The following SLIT1 variants were observed in gnomAD, a reference collection of about 807,000 sequenced individuals.
SLIT1 encodes the protein slit homolog 1 protein.
Under a neutral mutation model 186.1 loss-of-function variants are expected in SLIT1, and 66 were observed. That is an observed-to-expected ratio of 0.35 (90% confidence interval 0.29 to 0.44). The LOEUF is 0.44. SLIT1 is among the 20% of genes least tolerant of loss of function. The pLI is 1.00. For missense variants in SLIT1, 1,638 were observed against 2,037.4 expected (o/e 0.80, Z 3.77); for synonymous variants, 761 against 833.8 (o/e 0.91, Z 1.50).
In SLIT1 at chr10:97,010,861, G is replaced by T; in HGVS notation, c.3341+132C>A. The T allele has an allele frequency of 1.2e-6, 1 of 831,784 alleles. No individual in the cohort carries two copies. The highest frequency in any genetic ancestry group is 1.9e-6 in the Non-Finnish European group (1 of 535,346). 51.5% of individuals were successfully genotyped at this position (831,784 alleles called of 1,614,324 possible). A position where few individuals can be genotyped will look rare whatever the true frequency, so the allele number is the denominator to read the frequency against. ...CACAGCTGGTGACTGGCAGAGCCAC[G>T]GTTAAAACCCCAGCATCCAACTTCC... On this transcript the variant is annotated intron_variant, in intron 31 of 36. Coordinates refer to ENST00000266058, the MANE Select transcript of SLIT1 (RefSeq NM_003061.3). This position sits in a 1 kb window ranked among gnomAD's most constrained non-coding sequence, Gnocchi z 4.8.
intron 1 of SLIT1, among the ~76,000 whole-genome samples, chr10:97,181,181 A>C (rs1009499642): frequency 6.6e-6 from 1 of 152,162 alleles, no homozygotes; most frequent in Non-Finnish European, 1.5e-5. Context: ...TGACCACACC[A>C]AAGCCTAAGC....
intron 4 of SLIT1, among the ~76,000 whole-genome samples, chr10:97,145,432 AT>A (rs1410425345): frequency 6.6e-6 from 1 of 152,118 alleles, no homozygotes; most frequent in Non-Finnish European, 1.5e-5. Flanking sequence ...CATGCTGTCC[AT>A]TTTTCCTACA....
intron 4 of SLIT1, among the ~76,000 whole-genome samples, chr10:97,077,268 T>TAA (rs573273396): frequency 2.0e-5 from 3 of 147,898 alleles, no homozygotes; most frequent in African/African-American, 7.4e-5. Flanking sequence ...CTCCATCTCT[T>TAA]AAAAAAAAAA....
intron 23 of SLIT1, among the ~76,000 whole-genome samples, chr10:97,032,137 G>A (rs1848596934): frequency 6.6e-6 from 1 of 152,230 alleles, no homozygotes; most frequent in Non-Finnish European, 1.5e-5. Flanking sequence ...CTTCCAGGGA[G>A]GACAGGCAAA....
Position 97,163,514 on chromosome 10 carries a change from G to A in SLIT1, c.270-63C>T, listed in dbSNP as rs1246686206. On this transcript the variant is annotated intron_variant, in intron 2 of 36. Transcript: ENST00000266058. Reference sequence around the variant, plus strand: ...GGGACAAGGGCTGCTAGAAACAGCTGGCACAACGGCGGGGCAGAGGCAACC... The same window carrying A: ...GGGACAAGGGCTGCTAGAAACAGCTAGCACAACGGCGGGGCAGAGGCAACC... 15 of 1,460,732 alleles carry A rather than the reference G, an allele frequency of 1.0e-5. No homozygotes were observed. In the Admixed American group the frequency reaches 1.8e-4, roughly 18 times the overall value. The allele number at this position is 1,460,732 out of a possible 1,614,324, so 90.5% of individuals were successfully genotyped here.
chr10:97,143,999 A>G (rs866087867), intron 4 of SLIT1, among the ~76,000 whole-genome samples: 2 of 152,152 alleles, frequency 1.3e-5, no homozygotes, highest in African/African-American at 4.8e-5. Context: ...GGAGTTCAAG[A>G]CCAGCCTGGC....
chr10:97,139,299 G>A (rs1396896465), intron 4 of SLIT1, among the ~76,000 whole-genome samples: 1 of 152,170 alleles, frequency 6.6e-6, no homozygotes, highest in African/African-American at 2.4e-5. Flanking sequence ...TCACATTAAG[G>A]ATTCACAATC....
At chr10:97,179,215 A>G (rs1231558988) in intron 1 of SLIT1, among the ~76,000 whole-genome samples, 2 of 152,100 alleles carry the variant, frequency 1.3e-5, no homozygotes, top group Non-Finnish European at 2.9e-5. Context: ...GCATTACTCT[A>G]TTCTAATTAT....
intron 20 of SLIT1, among the ~76,000 whole-genome samples, 191 bp from the exon 21 acceptor site, chr10:97,040,311 C>A (rs891585504): frequency 6.6e-6 from 1 of 152,220 alleles, no homozygotes; most frequent in African/African-American, 2.4e-5. Flanking sequence ...CCCCCTGGAG[C>A]AGTTTTGAGG....
intron 8 of SLIT1, among the ~76,000 whole-genome samples, chr10:97,061,370 A>AT (rs1848892490): frequency 6.6e-6 from 1 of 152,230 alleles, no homozygotes; most frequent in Non-Finnish European, 1.5e-5. Context: ...AAATGGAGGT[A>AT]TAACTTATAC....
chr10:97,150,842 T>TAAGAAGCA (rs929540900), intron 4 of SLIT1, among the ~76,000 whole-genome samples: 4 of 150,448 alleles, frequency 2.7e-5, no homozygotes, highest in African/African-American at 1.0e-4. Context: ...TTTGCTGCTG[T>TAAGAAGCA]AAGAAGCAAT....
At chr10:97,105,898 G>C (rs1455988007) in intron 4 of SLIT1, among the ~76,000 whole-genome samples, 1 of 152,206 alleles carries the variant, frequency 6.6e-6, no homozygotes, top group Non-Finnish European at 1.5e-5. Context: ...CCTCCGCCAA[G>C]GGCACCATCA....
At chr10:97,105,277 C>A (rs1404094947) in intron 4 of SLIT1, among the ~76,000 whole-genome samples, 1 of 152,156 alleles carries the variant, frequency 6.6e-6, no homozygotes, top group Non-Finnish European at 1.5e-5. Flanking sequence ...AGTTATTTGA[C>A]AAGATAAAAA....
At chr10:97,119,170 C>T (rs897398156) in intron 4 of SLIT1, among the ~76,000 whole-genome samples, 1 of 152,196 alleles carries the variant, frequency 6.6e-6, no homozygotes, top group Admixed American at 6.5e-5. Context: ...CACCACCCCT[C>T]TTACCTTCCT....
chr10:97,086,908 A>C (rs1428606136), intron 4 of SLIT1, among the ~76,000 whole-genome samples: 2 of 152,096 alleles, frequency 1.3e-5, no homozygotes, highest in Non-Finnish European at 2.9e-5. Context: ...TACACACTCT[A>C]GGTGATAATG....
intron 18 of SLIT1, among the ~76,000 whole-genome samples, chr10:97,046,282 C>A (rs1232026284): frequency 3.3e-5 from 5 of 152,174 alleles, no homozygotes; most frequent in Non-Finnish European, 7.4e-5. Flanking sequence ...CTATCTACAC[C>A]CACTGAATCA....
At chr10:97,041,017 T>A (rs1470138511) in intron 20 of SLIT1, among the ~76,000 whole-genome samples, 1 of 152,116 alleles carries the variant, frequency 6.6e-6, no homozygotes, top group African/African-American at 2.4e-5. Context: ...ATTGGAGCAA[T>A]GAGGAAACTA....
intron 2 of SLIT1, among the ~76,000 whole-genome samples, chr10:97,164,226 G>A (rs1017849396): frequency 1.3e-5 from 2 of 152,236 alleles, no homozygotes; most frequent in Non-Finnish European, 1.5e-5. Context: ...CTCTCCACCC[G>A]CAAGCAGGTG....
At chr10:97,113,901 C>T (rs1180915944) in intron 4 of SLIT1, among the ~76,000 whole-genome samples, 3 of 152,132 alleles carry the variant, frequency 2.0e-5, no homozygotes, top group African/African-American at 7.2e-5. Context: ...GTGGCCTGAC[C>T]TGGTATAAAG....
Sources: gnomAD v4.1 joint callset for allele counts (sites outside exome capture counted in the v4.1 genomes callset) on GRCh38, gnomAD v4.1.1 for gene constraint, Gnocchi (gnomAD v3.1) non-coding constraint, MANE v1.5 for transcripts, NCBI Gene and HGNC (gene_info 2026-07-23, HGNC 2026-07-21) for gene names.